Variants in ANXA11 observed in about 807,000 individuals in gnomAD.
ANXA11 encodes the protein 56 kDa autoantigen.
A neutral mutation model predicts 64.7 loss-of-function variants in ANXA11; 57 were observed. The observed-to-expected ratio is 0.88, with a 90% CI of 0.71 to 1.10. ANXA11 has a LOEUF of 1.10. Among genes scored for constraint, ANXA11 ranks in the 50% least tolerant of loss-of-function variants. ANXA11 has a pLI of 0.00. For missense variants in ANXA11, 675 were observed against 670.7 expected, an observed-to-expected ratio of 1.01 and a Z score of -0.07; for synonymous variants, 260 against 265.2, an observed-to-expected ratio of 0.98 and a Z score of 0.19.
At chr10:80,181,822 T>C (rs1846365638) in intron 1 of ANXA11, among the ~76,000 whole-genome samples, 2 of 152,344 alleles carry the variant, frequency 1.3e-5, no homozygotes, top group South Asian at 4.1e-4. Flanking sequence ...ACGGGAACTT[T>C]CATTCATCGC....
chr10:80,178,788 A>T (rs1032840471), intron 1 of ANXA11, among the ~76,000 whole-genome samples: 3 of 152,204 alleles, frequency 2.0e-5, no homozygotes, highest in Non-Finnish European at 2.9e-5. Flanking sequence ...CATGCATGAT[A>T]ATCACCTGGA....
chr10:80,205,165 C>A (rs1295570463), intron 1 of ANXA11, among the ~76,000 whole-genome samples, 178 bp downstream of exon 1: 1 of 152,086 alleles, frequency 6.6e-6, no homozygotes, highest in East Asian at 1.9e-4. Flanking sequence ...CGACACGGCC[C>A]GCCCGCGACC....
chr10:80,168,822 T>G (rs1270458263), intron 5 of ANXA11, 147 bp downstream of exon 5: 1 of 954,320 alleles, frequency 1.0e-6, no homozygotes, highest in Non-Finnish European at 1.5e-6. Flanking sequence ...CAGGCATGAG[T>G]CACTGCACCC....
chr10:80,186,328 G>T (rs533496690), intron 1 of ANXA11, among the ~76,000 whole-genome samples: 66 of 152,102 alleles, frequency 4.3e-4, no homozygotes, highest in Non-Finnish European at 8.8e-4. Context: ...CACGGAACTG[G>T]GGAGGGTCAG....
intron 15 of ANXA11, chr10:80,157,336 C>A: frequency 2.0e-6 from 2 of 985,410 alleles, no homozygotes; most frequent in South Asian, 9.4e-5. Flanking sequence ...TGAGTTCTCA[C>A]TGACAGATCA....
chr10:80,160,048 C>T (rs1038420671), intron 12 of ANXA11, among the ~76,000 whole-genome samples: 2 of 152,188 alleles, frequency 1.3e-5, no homozygotes, highest in African/African-American at 4.8e-5. Context: ...AGACCTTGGT[C>T]CTGACTCCAG....
At chr10:80,156,781 G>A (rs1307294971) in intron 15 of ANXA11, among the ~76,000 whole-genome samples, 2 of 152,206 alleles carry the variant, frequency 1.3e-5, no homozygotes, top group African/African-American at 4.8e-5. Context: ...TGGGATTACA[G>A]GCGTGAGCCA....
At chr10:80,202,475 C>G (rs1242522152) in intron 1 of ANXA11, among the ~76,000 whole-genome samples, 2 of 152,092 alleles carry the variant, frequency 1.3e-5, no homozygotes, top group African/African-American at 2.4e-5. Context: ...TTACAGAGTT[C>G]CATTGAATTG....
At chr10:80,173,026 CCTG>C (rs1331299907) in intron 2 of ANXA11, 157 bp from the exon 3 acceptor site, 3 of 627,790 alleles carry the variant, frequency 4.8e-6, no homozygotes, top group Non-Finnish European at 8.4e-6. Flanking sequence ...TTCACTGTCT[CCTG>C]CTGGTGCCTC....
intron 15 of ANXA11, chr10:80,157,167 G>A: frequency 1.0e-6 from 1 of 977,128 alleles, no homozygotes; most frequent in Non-Finnish European, 1.2e-6. Flanking sequence ...AGCCATTCAA[G>A]GTCACACAGT....
At chr10:80,178,698 G>C (rs888722389) in intron 1 of ANXA11, among the ~76,000 whole-genome samples, 1 of 152,212 alleles carries the variant, frequency 6.6e-6, no homozygotes, top group Non-Finnish European at 1.5e-5. Context: ...AGTGTCTCTG[G>C]GGCAGGGCCC....
chr10:80,195,326 G>A (rs1846939825), intron 1 of ANXA11, among the ~76,000 whole-genome samples: 1 of 152,194 alleles, frequency 6.6e-6, no homozygotes, highest in Non-Finnish European at 1.5e-5. Context: ...GCATGCAACT[G>A]GAAGTTCAAG....
intron 15 of ANXA11, chr10:80,157,317 T>A: frequency 1.0e-6 from 1 of 985,374 alleles, no homozygotes. Flanking sequence ...CCACAGAGCC[T>A]TTGGGACATG....
intron 1 of ANXA11, among the ~76,000 whole-genome samples, chr10:80,192,982 A>G (rs1419923344): frequency 6.6e-6 from 1 of 152,218 alleles, no homozygotes; most frequent in Admixed American, 6.5e-5. Context: ...TAAAATATAT[A>G]GGATCTAGGA....
At chr10:80,178,971 T>TG (rs1846266735) in intron 1 of ANXA11, among the ~76,000 whole-genome samples, 1 of 152,238 alleles carries the variant, frequency 6.6e-6, no homozygotes, top group Admixed American at 6.5e-5. Context: ...CTTAAGGTAT[T>TG]GGACACTCTC....
At chr10:80,201,154 C>T (rs1301794484) in intron 1 of ANXA11, among the ~76,000 whole-genome samples, 2 of 152,186 alleles carry the variant, frequency 1.3e-5, no homozygotes, top group African/African-American at 2.4e-5. Flanking sequence ...CTCGCTTCTG[C>T]TCACATCATC....
intron 6 of ANXA11, 81 bp downstream of exon 6, chr10:80,167,145 C>T (rs987035613): frequency 8.0e-5 from 116 of 1,453,080 alleles, no homozygotes; most frequent in Non-Finnish European, 9.7e-5. Flanking sequence ...CCCCCAGCTA[C>T]CCCAGCCCAC....
rs945575507 is a variant in ANXA11 at position 80,171,308 on chromosome 10, A to G, written c.56-393T>C. The G allele has an allele frequency of 7.0e-6, 7 of 1,002,620 alleles. No individual in the cohort carries two copies. In the African/African-American group the frequency reaches 1.0e-4, roughly 15 times the overall value. The allele number at this position is 1,002,620 out of a possible 1,614,324, so 62.1% of individuals were successfully genotyped here. On this transcript the variant is annotated intron_variant, in intron 3 of 15. Transcript: ENST00000422982. ...ACAGAGGTGACCATAGGGAGCTCTG[A>G]GATTTCAGTAATGCGAAGGCACTGG...
At chr10:80,184,583 G>GAGAC (rs140303097) in intron 1 of ANXA11, among the ~76,000 whole-genome samples, 2 of 152,132 alleles carry the variant, frequency 1.3e-5, no homozygotes, top group Non-Finnish European at 2.9e-5. Flanking sequence ...ACGAGAGAGA[G>GAGAC]AGACAGACAG....
Sources: allele counts gnomAD v4.1 joint callset (sites outside exome capture counted in the v4.1 genomes callset), GRCh38; gene constraint gnomAD v4.1.1; transcripts MANE v1.5; gene names NCBI Gene and HGNC (gene_info 2026-07-23, HGNC 2026-07-21).